Variants in KCNG2 observed in about 807,000 individuals in gnomAD.
KCNG2 encodes the protein potassium voltage-gated channel modifier subfamily G member 2.
Under a neutral mutation model 12.3 loss-of-function variants are expected in KCNG2, and 7 were observed. The observed-to-expected ratio is 0.57, with a 90% confidence interval of 0.32 to 1.07. The LOEUF is 1.07. Ranked by LOEUF, KCNG2 falls within the 50% of genes least tolerant of loss-of-function variation. The pLI is 0.04. For missense variants in KCNG2, 703 were observed against 726.0 expected (o/e 0.97, Z 0.36); for synonymous variants, 414 against 351.4 (o/e 1.18, Z -1.99).
At chr18:79,879,983 A>C (rs1255826213) in intron 3 of KCNG2, among the ~76,000 whole-genome samples, 1 of 152,198 alleles carries the variant, frequency 6.6e-6, no homozygotes, top group Non-Finnish European at 1.5e-5. Flanking sequence ...TATGAGAAAA[A>C]AATGTAATTG....
intron 3 of KCNG2, among the ~76,000 whole-genome samples, chr18:79,872,530 G>A (rs374692152): frequency 2.6e-4 from 39 of 151,978 alleles, no homozygotes; most frequent in African/African-American, 7.5e-4. Flanking sequence ...GGTGATACAC[G>A]CACCTTGGCC....
chr18:79,828,447 G>C (rs1978287849), intron 1 of KCNG2, among the ~76,000 whole-genome samples: 1 of 12,518 alleles, frequency 8.0e-5, no homozygotes, highest in African/African-American at 8.8e-5. Context: ...CAAGTGTGTG[G>C]TGTGTGTGCA....
intron 3 of KCNG2, among the ~76,000 whole-genome samples, chr18:79,889,176 A>G (rs185924539): frequency 6.9e-4 from 105 of 152,210 alleles, no homozygotes; most frequent in Admixed American, 1.2e-3. Context: ...CAGTTTATCA[A>G]TTTTTTGTGC....
chr18:79,843,803 A>C (rs1978538365), intron 1 of KCNG2, among the ~76,000 whole-genome samples: 1 of 152,226 alleles, frequency 6.6e-6, no homozygotes, highest in Non-Finnish European at 1.5e-5. Context: ...AGACAGCAAA[A>C]GAGGAAGAAA....
chr18:79,878,133 CACAG>C (rs1414709682), intron 3 of KCNG2, among the ~76,000 whole-genome samples: 1 of 152,270 alleles, frequency 6.6e-6, no homozygotes, highest in Non-Finnish European at 1.5e-5. Flanking sequence ...TCCCATTACA[CACAG>C]AGCGCCACAG....
chr18:79,837,596 C>T (rs2072097225), intron 1 of KCNG2, among the ~76,000 whole-genome samples: 1 of 152,240 alleles, frequency 6.6e-6, no homozygotes, highest in South Asian at 2.1e-4. Flanking sequence ...TGCCACTAGT[C>T]TCTTTGTGAA....
At chr18:79,887,117 G>A (rs1250658980) in intron 3 of KCNG2, among the ~76,000 whole-genome samples, 1 of 148,548 alleles carries the variant, frequency 6.7e-6, no homozygotes, top group Non-Finnish European at 1.5e-5. Flanking sequence ...GGACATGGGG[G>A]CATGAGAGAT....
In KCNG2 at chr18:79,860,626, CAT is replaced by C. The variant is rs1400870986; in HGVS notation, c.-40-3001_-40-3000del. ...TACAACTGATTTTTTTTACCGATCT[CAT>C]GTCTTGCAACTTTGCTGAACCCATT... On this transcript the variant is annotated intron_variant, in intron 2 of 3. Transcript: ENST00000316249. 7.2e-5 allele frequency among the ~76,000 whole-genome samples: 11 copies of C among 152,174 alleles called. No individual in the cohort carries two copies. In the East Asian group the frequency reaches 1.9e-3, roughly 27 times the overall value.
chr18:79,813,405 C>A (rs905837154), intron 1 of KCNG2, among the ~76,000 whole-genome samples: 11 of 152,276 alleles, frequency 7.2e-5, no homozygotes, highest in African/African-American at 2.6e-4. Flanking sequence ...AAGCTTTTGA[C>A]AAATCCAACA....
intron 1 of KCNG2, among the ~76,000 whole-genome samples, chr18:79,817,345 TTGTCACATGGA>T (rs2087537409): frequency 6.6e-6 from 1 of 152,226 alleles, no homozygotes; most frequent in Non-Finnish European, 1.5e-5. Flanking sequence ...TGTCACATGG[TTGTCACATGGA>T]TGTCACACAC....
chr18:79,818,206 G>A (rs1285408125), intron 1 of KCNG2, among the ~76,000 whole-genome samples: 1 of 152,220 alleles, frequency 6.6e-6, no homozygotes. Context: ...TAATAAGGAA[G>A]CTTGACTCAT....
intron 3 of KCNG2, among the ~76,000 whole-genome samples, chr18:79,869,090 C>T (rs1488537059): frequency 6.6e-6 from 1 of 152,140 alleles, no homozygotes; most frequent in Non-Finnish European, 1.5e-5. Flanking sequence ...AGCACCCCTA[C>T]ACACAGCCCT....
At position 79,803,252 on chromosome 18, in the gene KCNG2, C is replaced by T. The variant is rs1298546292; in HGVS notation, c.-115+5238C>T. ...CACAGGGCAGGGCCAGCCCCCTCAT[C>T]TCCAGGCCCCCAGCTCTTTCACCTC... is the stretch of plus-strand genomic sequence containing the variant. On this transcript the variant is annotated intron_variant, in intron 1 of 3. Coordinates refer to ENST00000316249, the MANE Select transcript of KCNG2 (RefSeq NM_012283.2). This position sits in a 1 kb window ranked among gnomAD's most constrained non-coding sequence, Gnocchi z 4.5. Among the ~76,000 whole-genome samples, 1 of 152,128 alleles carries T rather than the reference C, an allele frequency of 6.6e-6. No homozygotes were observed. The highest frequency in any genetic ancestry group is 1.5e-5 in the Non-Finnish European group (1 of 68,036).
rs917065424 is a variant in KCNG2, at chr18:79,888,640, G to A, written c.625-10400G>A. 5.3e-5 allele frequency among the ~76,000 whole-genome samples: 8 copies of A among 152,262 alleles called. No homozygotes were observed. In the South Asian group the frequency reaches 1.7e-3, roughly 32 times the overall value. ...CCAGTGATGTCAAGCATCTTTTCAT[G>A]TCCTTCCTGACAGTTGAGAGCTCTT... On this transcript the variant is annotated intron_variant, in intron 3 of 3. Transcript: ENST00000316249.
intron 3 of KCNG2, among the ~76,000 whole-genome samples, chr18:79,872,900 G>T (rs967301229): frequency 6.6e-6 from 1 of 152,220 alleles, no homozygotes; most frequent in Non-Finnish European, 1.5e-5. Flanking sequence ...GCGAAGCCTC[G>T]TGTGGCCCCC....
chr18:79,858,316 A>T (rs1979093438), intron 2 of KCNG2, among the ~76,000 whole-genome samples: 1 of 152,224 alleles, frequency 6.6e-6, no homozygotes, highest in African/African-American at 2.4e-5. Context: ...CATTTTATAT[A>T]AACGGATTCC....
chr18:79,810,372 C>A lies in KCNG2; in HGVS notation c.-115+12358C>A, dbSNP rs539865532. ...CGGAGGGGGTTTGCTGGGGGCTGCC[C>A]AGCACAGCTCTACAGGGCAGGCAAA... On this transcript the variant is annotated intron_variant, in intron 1 of 3. Transcript: ENST00000316249. Among the ~76,000 whole-genome samples the A allele has an allele frequency of 1.4e-4, 22 of 152,236 alleles. No homozygotes were observed. In the East Asian group the frequency reaches 3.9e-3, roughly 27 times the overall value.
At chr18:79,816,333 CG>C (rs1344927884) in intron 1 of KCNG2, 2 of 152,340 alleles carry the variant, frequency 1.3e-5, no homozygotes, top group African/African-American at 4.8e-5. Context: ...GGGGTCCTGA[CG>C]GCGGAGGACC....
chr18:79,864,314 G>A, intron 3 of KCNG2, 23 bp downstream of exon 3: 1 of 1,496,002 alleles, frequency 6.7e-7, no homozygotes, highest in Admixed American at 2.0e-5. Flanking sequence ...GGGGGTGGCG[G>A]GGACCGGGCC....
Sources: gnomAD v4.1 joint callset for allele counts (sites outside exome capture counted in the v4.1 genomes callset) on GRCh38, gnomAD v4.1.1 for gene constraint, Gnocchi (gnomAD v3.1) non-coding constraint, MANE v1.5 for transcripts, NCBI Gene and HGNC (gene_info 2026-07-23, HGNC 2026-07-21) for gene names.